The following KIAA1671 variants were observed in gnomAD, a reference collection of about 807,000 sequenced individuals.
KIAA1671 encodes the protein KIAA1671.
Under a neutral mutation model 131.2 loss-of-function variants are expected in KIAA1671, and 52 were observed. The observed-to-expected ratio is 0.40, with a 90% CI of 0.32 to 0.50. The LOEUF is 0.50. Ranked by LOEUF, KIAA1671 falls within the 20% of genes least tolerant of loss-of-function variation. The probability of loss-of-function intolerance (pLI) is 0.73; values close to 1 mark genes in which losing one functional copy is unlikely to be tolerated. For synonymous variants in KIAA1671, 1,003 were observed against 961.6 expected, an observed-to-expected ratio of 1.04 and a Z score of -0.80; for missense variants, 2,360 against 2,364.2, an observed-to-expected ratio of 1.00 and a Z score of 0.04.
chr22:25,164,960 AAGAG>A (rs1555884262), intron 6 of KIAA1671, among the ~76,000 whole-genome samples: 8 of 134,230 alleles, frequency 6.0e-5, no homozygotes, highest in Middle Eastern at 7.3e-3. Context: ...AAAAAAAAAA[AAGAG>A]AGAGAGTTGC....
chr22:25,018,429 A>G (rs1353801417), intron 1 of KIAA1671, among the ~76,000 whole-genome samples: 1 of 151,618 alleles, frequency 6.6e-6, no homozygotes, highest in Non-Finnish European at 1.5e-5. Flanking sequence ...GAAATTTACC[A>G]TTTTAACCAT....
chr22:25,047,467 CTTTTTTTTTT>C (rs1198576836), intron 5 of KIAA1671, among the ~76,000 whole-genome samples: 5 of 120,470 alleles, frequency 4.2e-5, no homozygotes, highest in Non-Finnish European at 6.9e-5. Context: ...GCCTCTTTTC[CTTTTTTTTTT>C]TTTTTTTTTG....
intron 6 of KIAA1671, among the ~76,000 whole-genome samples, chr22:25,109,582 C>G (rs988919705): frequency 3.9e-5 from 6 of 152,210 alleles, no homozygotes; most frequent in African/African-American, 1.2e-4. Flanking sequence ...CAGCCATAAC[C>G]TTGGTACATG....
intron 6 of KIAA1671, among the ~76,000 whole-genome samples, chr22:25,119,085 C>T (rs1267694366): frequency 6.6e-6 from 1 of 152,210 alleles, no homozygotes; most frequent in Non-Finnish European, 1.5e-5. Flanking sequence ...TCCATGAGGG[C>T]CAGGGCTTTG....
intron 11 of KIAA1671, among the ~76,000 whole-genome samples, chr22:25,188,317 C>CAAACAAAG (rs1934545690): frequency 6.6e-6 from 1 of 151,734 alleles, no homozygotes; most frequent in Non-Finnish European, 1.5e-5. Flanking sequence ...AACAAACAAA[C>CAAACAAAG]AGTTTAAACA....
At chr22:24,961,441 C>A (rs5760760) in intron 1 of KIAA1671, among the ~76,000 whole-genome samples, 1 of 152,118 alleles carries the variant, frequency 6.6e-6, no homozygotes, top group Non-Finnish European at 1.5e-5. Context: ...TCTCCTACAT[C>A]GCAGTGGCCT....
intron 6 of KIAA1671, chr22:25,112,541 C>T: frequency 2.5e-6 from 1 of 397,080 alleles, no homozygotes. Flanking sequence ...GAGGGGGTCC[C>T]AGACATCAAA....
intron 5 of KIAA1671, among the ~76,000 whole-genome samples, chr22:25,042,232 T>C (rs933021161): frequency 4.6e-5 from 7 of 152,312 alleles, no homozygotes; most frequent in South Asian, 2.1e-4. Context: ...GGCCACCTGT[T>C]TTACACTTCT....
At chr22:25,186,151 A>G (rs1210308249) in intron 11 of KIAA1671, 1 of 152,282 alleles carries the variant, frequency 6.6e-6, no homozygotes, top group Non-Finnish European at 1.5e-5. Flanking sequence ...AAGAAGTAGC[A>G]CAGATGTCCC....
intron 6 of KIAA1671, among the ~76,000 whole-genome samples, chr22:25,168,725 C>A (rs1601377344): frequency 6.6e-6 from 1 of 151,830 alleles, no homozygotes; most frequent in East Asian, 1.9e-4. Flanking sequence ...GAGGAGATAT[C>A]ACCATGGGTT....
At chr22:25,086,206 C>T (rs1442999532) in intron 6 of KIAA1671, among the ~76,000 whole-genome samples, 7 of 152,202 alleles carry the variant, frequency 4.6e-5, no homozygotes, top group Non-Finnish European at 1.0e-4. Flanking sequence ...ACTTTTCATC[C>T]TCAGAGAGCA....
intron 6 of KIAA1671, among the ~76,000 whole-genome samples, chr22:25,128,254 G>A (rs117399827): frequency 4.6e-5 from 7 of 152,268 alleles, no homozygotes; most frequent in South Asian, 2.1e-4. Context: ...CGTGGACACC[G>A]CCCTTTAAGG....
intron 6 of KIAA1671, among the ~76,000 whole-genome samples, chr22:25,085,803 G>GGGAGGA (rs1929684738): frequency 1.6e-5 from 2 of 127,304 alleles, no homozygotes; most frequent in African/African-American, 3.1e-5. Context: ...GGGAGGGAGG[G>GGGAGGA]AGGGAGGAAG....
At chr22:25,026,859 T>C (rs1163954485) in intron 2 of KIAA1671, among the ~76,000 whole-genome samples, 2 of 152,180 alleles carry the variant, frequency 1.3e-5, no homozygotes, top group Non-Finnish European at 2.9e-5. Flanking sequence ...ATAACGATCA[T>C]TCCTTCATTC....
rs1206794629 is a variant in KIAA1671, at chr22:25,039,944, C to T, written c.2814C>T (p.Gly938=). ...CTGCAGTCAGAATGCGGAAAGCCGG[C>T]GCCATGGACCAGAGAATGGACAGAT... ...PQPAVRMRKA[G]AMDQRMDRWR... Residue 938 remains glycine, a synonymous_variant, in exon 5 of 13, where the codon GGC becomes GGT. Transcript: ENST00000358431. 9.0e-6 allele frequency: 14 copies of T among 1,551,176 alleles called. No individual in the cohort carries two copies. The highest frequency in any genetic ancestry group is 2.4e-5 in the East Asian group (1 of 40,930).
At chr22:25,105,000 CTTCTTTCTCT>C (rs1349522410) in intron 6 of KIAA1671, among the ~76,000 whole-genome samples, 1 of 151,822 alleles carries the variant, frequency 6.6e-6, no homozygotes, top group African/African-American at 2.4e-5. Context: ...ATTCTGATTT[CTTCTTTCTCT>C]TTCTTTCTTT....
rs1324283977 is a variant in KIAA1671, at chr22:25,039,226, C to T, written c.2096C>T (p.Thr699Met). The change falls in exon 5 of 13, where the codon ACG (threonine) becomes ATG (methionine). Residue 699 changes from threonine to methionine, a missense_variant. Thr to Met is a moderately conservative substitution (Grantham distance 81). This residue lies in a region of KIAA1671 where 1,185 missense variants were observed against 1,126.2 expected (regional missense o/e 1.05). Coordinates refer to ENST00000358431, the MANE Select transcript of KIAA1671 (RefSeq NM_001145206.2). ...LLNGELRPYH[T>M]PLRDKYPLSE... ...AATGGTGAACTGAGACCGTATCACA[C>T]GCCTCTCCGGGACAAATACCCTTTG... 25 of 1,552,168 alleles carry T rather than the reference C, an allele frequency of 1.6e-5. No individual in the cohort carries two copies. The East Asian group carries it at 1.7e-4, about 11-fold the overall frequency.
At chr22:25,088,253 G>A (rs1022342703) in intron 6 of KIAA1671, among the ~76,000 whole-genome samples, 4 of 151,904 alleles carry the variant, frequency 2.6e-5, no homozygotes, top group African/African-American at 4.8e-5. Flanking sequence ...GATTACAGGC[G>A]TGCACCACCA....
chr22:25,130,562 G>T (rs2030473141), intron 6 of KIAA1671, among the ~76,000 whole-genome samples: 1 of 152,194 alleles, frequency 6.6e-6, no homozygotes, highest in Non-Finnish European at 1.5e-5. Flanking sequence ...ACTTTGAAAA[G>T]ATTCCATACA....
Sources: gnomAD v4.1 joint callset for allele counts (sites outside exome capture counted in the v4.1 genomes callset) on GRCh38, gnomAD v4.1.1 for gene constraint, gnomAD v4.1.1 regional missense constraint, MANE v1.5 for transcripts, NCBI Gene and HGNC (gene_info 2026-07-23, HGNC 2026-07-21) for gene names.